The following TTLL5 variants were observed in gnomAD, a reference collection of about 807,000 sequenced individuals.
TTLL5 encodes tubulin polyglutamylase TTLL5.
In TTLL5, 132 loss-of-function variants were observed where a neutral mutation model predicts 168.4. That is an observed-to-expected ratio of 0.78 (90% CI 0.68 to 0.91). TTLL5 has a LOEUF of 0.91. Ranked by LOEUF, TTLL5 falls within the 40% of genes least tolerant of loss-of-function variation. TTLL5 has a pLI of 0.00. For synonymous variants in TTLL5, 546 were observed against 558.6 expected, an observed-to-expected ratio of 0.98 and a Z score of 0.32; for missense variants, 1,545 against 1,581.5, an observed-to-expected ratio of 0.98 and a Z score of 0.39.
intron 18 of TTLL5, among the ~76,000 whole-genome samples, chr14:75,755,274 AT>A (rs67291134): frequency 0.74 from 108,367 of 147,002 alleles, 39,530 homozygotes; most frequent in Admixed American, 0.78. Flanking sequence ...TCCAAAAATA[AT>A]AATAATAATA....
intron 29 of TTLL5, among the ~76,000 whole-genome samples, chr14:75,868,992 C>A (rs941447269): frequency 3.7e-5 from 5 of 133,682 alleles, no homozygotes; most frequent in Non-Finnish European, 6.3e-5. Context: ...GAAGGTTGGA[C>A]TGGGGACATG....
At chr14:75,778,678 A>G (rs765145970) in intron 23 of TTLL5, among the ~76,000 whole-genome samples, 2 of 152,168 alleles carry the variant, frequency 1.3e-5, no homozygotes, top group African/African-American at 2.4e-5. Context: ...CTTTCCTAGA[A>G]CGTAGCCAAG....
intron 9 of TTLL5, chr14:75,711,248 A>AG (rs748192798): frequency 4.6e-5 from 7 of 152,208 alleles, no homozygotes; most frequent in Non-Finnish European, 8.8e-5. Flanking sequence ...TGATTCCCAC[A>AG]GTAGCCCTCA....
intron 15 of TTLL5, 104 bp downstream of exon 15, chr14:75,735,393 C>A: frequency 9.1e-7 from 1 of 1,103,750 alleles, no homozygotes; most frequent in Non-Finnish European, 1.4e-6. Flanking sequence ...TCACTTAGAG[C>A]AGGAGAATTT....
intron 28 of TTLL5, among the ~76,000 whole-genome samples, chr14:75,841,287 A>G (rs1428086341): frequency 6.6e-6 from 1 of 152,224 alleles, no homozygotes; most frequent in South Asian, 2.1e-4. Flanking sequence ...GATATTATCT[A>G]TTAACTTTCT....
intron 6 of TTLL5, among the ~76,000 whole-genome samples, chr14:75,693,559 C>T (rs12892551): frequency 0.53 from 81,163 of 152,096 alleles, 24,437 homozygotes; most frequent in Non-Finnish European, 0.67. Flanking sequence ...TCTATCTAGG[C>T]TCCTGCCATC....
intron 6 of TTLL5, among the ~76,000 whole-genome samples, chr14:75,694,015 G>T (rs1463821509): frequency 6.6e-6 from 1 of 152,162 alleles, no homozygotes; most frequent in Non-Finnish European, 1.5e-5. Context: ...TTACAACTCA[G>T]ATCTTTCTAC....
At chr14:75,857,511 T>G (rs1161675300) in intron 28 of TTLL5, among the ~76,000 whole-genome samples, 1 of 152,196 alleles carries the variant, frequency 6.6e-6, no homozygotes, top group African/African-American at 2.4e-5. Flanking sequence ...AATTTTTTTT[T>G]GTACTATCTT....
At chr14:75,714,240 C>A (rs769759435) in intron 9 of TTLL5, among the ~76,000 whole-genome samples, 2 of 152,158 alleles carry the variant, frequency 1.3e-5, no homozygotes, top group African/African-American at 2.4e-5. Flanking sequence ...ATGGCACATG[C>A]TAGTCATTTA....
intron 15 of TTLL5, among the ~76,000 whole-genome samples, chr14:75,743,816 T>C (rs531354359): frequency 1.8e-4 from 28 of 151,916 alleles, no homozygotes; most frequent in Admixed American, 3.3e-4. Context: ...CTCCTGACCT[T>C]GTGATCTGCC....
chr14:75,667,758 T>G (rs961179939), intron 2 of TTLL5, among the ~76,000 whole-genome samples: 4 of 142,248 alleles, frequency 2.8e-5, no homozygotes, highest in South Asian at 2.3e-4. Context: ...TATGTTTTTT[T>G]TTTTTTTTTT....
chr14:75,704,080 A>C (rs945871383), intron 7 of TTLL5, among the ~76,000 whole-genome samples: 3 of 152,208 alleles, frequency 2.0e-5, no homozygotes, highest in African/African-American at 7.2e-5. Context: ...CTTAATCCAT[A>C]TATGAACCCT....
At chr14:75,773,963 G>GAGAGAGAA (rs1891547405) in intron 21 of TTLL5, among the ~76,000 whole-genome samples, 18 of 69,506 alleles carry the variant, frequency 2.6e-4, no homozygotes, top group South Asian at 6.4e-4. Flanking sequence ...GAGAAAGAGA[G>GAGAGAGAA]AGAGAGAGAG....
At chr14:75,688,910 T>C (rs1405456950) in intron 5 of TTLL5, among the ~76,000 whole-genome samples, 4 of 152,204 alleles carry the variant, frequency 2.6e-5, no homozygotes, top group Non-Finnish European at 4.4e-5. Context: ...AAGTTTAACA[T>C]ATGTGGTGAT....
chr14:75,684,610 A>G (rs554540774), intron 5 of TTLL5: 3 of 152,348 alleles, frequency 2.0e-5, no homozygotes, highest in African/African-American at 7.2e-5. Flanking sequence ...ATTGTATACT[A>G]CAATACTTGC....
chr14:75,844,786 T>A (rs916660618), intron 28 of TTLL5, among the ~76,000 whole-genome samples: 2 of 152,232 alleles, frequency 1.3e-5, no homozygotes, highest in Admixed American at 1.3e-4. Context: ...CCTAATTTTT[T>A]TTTAGCCTTT....
At chr14:75,748,733 G>GA (rs1467299775) in intron 17 of TTLL5, among the ~76,000 whole-genome samples, 1 of 152,224 alleles carries the variant, frequency 6.6e-6, no homozygotes, top group African/African-American at 2.4e-5. Flanking sequence ...CAATGCATAA[G>GA]AGAGTCTGTT....
intron 27 of TTLL5, among the ~76,000 whole-genome samples, chr14:75,812,407 G>C (rs1292218278): frequency 6.6e-6 from 1 of 152,122 alleles, no homozygotes; most frequent in Non-Finnish European, 1.5e-5. Flanking sequence ...CTGTTTTTAG[G>C]CTTAAATTTC....
At chr14:75,758,116 G>C (rs144559686) in intron 18 of TTLL5, among the ~76,000 whole-genome samples, 49 of 152,326 alleles carry the variant, frequency 3.2e-4, no homozygotes, top group Non-Finnish European at 6.6e-4. Context: ...CTGTGTGAGA[G>C]AGAGTATTAA....
Sources: allele counts gnomAD v4.1 joint callset (sites outside exome capture counted in the v4.1 genomes callset), GRCh38; gene constraint gnomAD v4.1.1; transcripts MANE v1.5; gene names NCBI Gene and HGNC (gene_info 2026-07-23, HGNC 2026-07-21).